TRAF3IP1: variants seen among roughly 807,000 people sequenced by gnomAD.
TRAF3IP1 encodes the protein TRAF3-interacting protein 1.
TRAF3IP1 carries 53 observed loss-of-function variants against 89.9 expected under a neutral mutation model. That is an observed-to-expected ratio of 0.59 (90% CI 0.47 to 0.74). TRAF3IP1 has a LOEUF of 0.74. TRAF3IP1 is among the 30% of genes least tolerant of loss of function. The pLI is 0.00. For missense variants in TRAF3IP1, 806 were observed against 866.1 expected, an observed-to-expected ratio of 0.93 and a Z score of 0.87; for synonymous variants, 311 against 322.1, an observed-to-expected ratio of 0.97 and a Z score of 0.37.
intron 15 of TRAF3IP1, among the ~76,000 whole-genome samples, chr2:238,380,142 T>C (rs1574963806): frequency 6.6e-6 from 1 of 152,128 alleles, no homozygotes; most frequent in Non-Finnish European, 1.5e-5. Context: ...GTTTCTGAAA[T>C]GCTGGTGCCC....
intron 15 of TRAF3IP1, among the ~76,000 whole-genome samples, chr2:238,384,382 A>ATGTATGTATG (rs1243454374): frequency 2.0e-5 from 3 of 148,436 alleles, no homozygotes; most frequent in Non-Finnish European, 3.0e-5. Context: ...GTATGTATGT[A>ATGTATGTATG]TATATATATA....
Position 238,397,627 on chromosome 2 carries a change from A to T in TRAF3IP1, c.1858A>T (p.Met620Leu), listed in dbSNP as rs3739070. The T allele has an allele frequency of 1.9e-5, 31 of 1,607,812 alleles. No homozygotes were observed. The highest frequency in any genetic ancestry group is 2.6e-5 in the Non-Finnish European group (31 of 1,175,986). ...GGATGCCATGCAGAATGAGCTGCAG[A>T]TGTGGCACAGCGAGAACAGGCAGCA... Reference protein sequence around the residue: ...DVDAMQNELQMWHSENRQHAE... With the variant: ...DVDAMQNELQLWHSENRQHAE... The change falls in exon 16 of 17, where the codon ATG becomes TTG. Residue 620 changes from methionine to leucine, a missense_variant. Coordinates refer to ENST00000373327, the MANE Select transcript of TRAF3IP1 (RefSeq NM_015650.4).
chr2:238,346,788 A>C (rs1383589281), intron 9 of TRAF3IP1, among the ~76,000 whole-genome samples: 1 of 152,174 alleles, frequency 6.6e-6, no homozygotes, highest in African/African-American at 2.4e-5. Context: ...CTCTTCTGCA[A>C]ATGCGTTCGT....
intron 10 of TRAF3IP1, among the ~76,000 whole-genome samples, chr2:238,347,829 G>A (rs1698967246): frequency 6.6e-6 from 1 of 152,106 alleles, no homozygotes; most frequent in African/African-American, 2.4e-5. Flanking sequence ...GTTTCTCCAT[G>A]TTGGTCAAGC....
At chr2:238,325,781 A>G (rs751585397) in intron 2 of TRAF3IP1, 28 bp from the exon 3 acceptor site, 2 of 1,597,666 alleles carry the variant, frequency 1.3e-6, no homozygotes, top group African/African-American at 1.3e-5. Context: ...GTATTGTAAT[A>G]TTTGTATTTT....
At chr2:238,338,555 T>A (rs1698492423) in intron 8 of TRAF3IP1, 98 bp downstream of exon 8, 1 of 657,742 alleles carries the variant, frequency 1.5e-6, no homozygotes, top group South Asian at 2.6e-5. Flanking sequence ...TTATTCTAAC[T>A]ACTTTAATGT....
chr2:238,365,167 C>G (rs1051760774), intron 15 of TRAF3IP1, among the ~76,000 whole-genome samples: 1 of 152,176 alleles, frequency 6.6e-6, no homozygotes, highest in African/African-American at 2.4e-5. Flanking sequence ...AATAGATCCT[C>G]AAATTTCTTT....
intron 15 of TRAF3IP1, among the ~76,000 whole-genome samples, chr2:238,362,094 C>T (rs1300906815): frequency 1.3e-5 from 2 of 152,150 alleles, no homozygotes; most frequent in Non-Finnish European, 2.9e-5. Context: ...GTTGGCCACT[C>T]TCTCCGTCCT....
chr2:238,347,461 C>T lies in TRAF3IP1; in HGVS notation c.1268C>T (p.Ser423Phe). ...TGATGTGCTTTTTCTTTAGGTGACT[C>T]CACCAGTGATGCAGGTGAGGAATGG... Reference protein sequence around the residue: ...PNPTEKQKGDSTSDAEGDAGP... With the variant: ...PNPTEKQKGDFTSDAEGDAGP... The change falls in exon 10 of 17, where the codon TCC (serine) becomes TTC (phenylalanine). Residue 423 changes from serine to phenylalanine, a missense_variant. Coordinates refer to ENST00000373327, the MANE Select transcript of TRAF3IP1 (RefSeq NM_015650.4). 6.2e-7 allele frequency: 1 copy of T among 1,614,026 alleles called. No homozygotes were observed. Among genetic ancestry groups the T allele is most frequent in the South Asian group, 1.1e-5 (1 of 91,082 alleles).
rs1236255974 is a variant in TRAF3IP1, at chr2:238,354,496, A to T, written c.1612+1287A>T. On this transcript the variant is annotated intron_variant, in intron 14 of 16. Coordinates refer to ENST00000373327, the MANE Select transcript of TRAF3IP1 (RefSeq NM_015650.4). ...TATGCATCTCTTCCATCTCATGCCA[A>T]AAAGCCTGGCTCCCAGCAGCAGCGG... 3.9e-5 allele frequency among the ~76,000 whole-genome samples: 6 copies of T among 152,264 alleles called. No homozygotes were observed. The South Asian group carries it at 1.2e-3, about 32-fold the overall frequency.
intron 15 of TRAF3IP1, among the ~76,000 whole-genome samples, chr2:238,388,810 T>C (rs1350683068): frequency 6.6e-6 from 1 of 151,894 alleles, no homozygotes; most frequent in Non-Finnish European, 1.5e-5. Flanking sequence ...CCTGGATAAT[T>C]TTTTATAGAG....
At chr2:238,335,396 C>A (rs1698334945) in intron 7 of TRAF3IP1, among the ~76,000 whole-genome samples, 1 of 152,202 alleles carries the variant, frequency 6.6e-6, no homozygotes. Flanking sequence ...CTCTCCTGCT[C>A]TGTGAAGCCT....
intron 9 of TRAF3IP1, among the ~76,000 whole-genome samples, chr2:238,346,161 C>T (rs1016532692): frequency 1.4e-4 from 22 of 152,120 alleles, no homozygotes; most frequent in African/African-American, 5.1e-4. Context: ...GCTAAGCACA[C>T]GCTCCAGGCC....
intron 15 of TRAF3IP1, among the ~76,000 whole-genome samples, chr2:238,366,986 AC>A (rs1378783459): frequency 1.3e-4 from 19 of 151,718 alleles, no homozygotes; most frequent in Admixed American, 1.2e-3. Flanking sequence ...ACAAGGTGAA[AC>A]CCCATCTCTA....
At chr2:238,357,116 A>G (rs548940808) in intron 15 of TRAF3IP1, among the ~76,000 whole-genome samples, 32 of 151,938 alleles carry the variant, frequency 2.1e-4, no homozygotes, top group Non-Finnish European at 2.5e-4. Flanking sequence ...TACATGTTCT[A>G]TTGTACCTGG....
chr2:238,392,836 A>C (rs1393110767), intron 15 of TRAF3IP1, among the ~76,000 whole-genome samples: 1 of 152,128 alleles, frequency 6.6e-6, no homozygotes, highest in Non-Finnish European at 1.5e-5. Flanking sequence ...TCAGCCTCCC[A>C]AAGTGCTGGG....
intron 15 of TRAF3IP1, among the ~76,000 whole-genome samples, chr2:238,370,007 A>G (rs1700039808): frequency 6.6e-6 from 1 of 152,088 alleles, no homozygotes; most frequent in Non-Finnish European, 1.5e-5. Flanking sequence ...TTTCTGGCTC[A>G]TCCTGTTCTT....
intron 15 of TRAF3IP1, among the ~76,000 whole-genome samples, chr2:238,395,855 C>T (rs575601900): frequency 1.5e-3 from 223 of 152,188 alleles, no homozygotes; most frequent in Non-Finnish European, 2.6e-3. Flanking sequence ...GTTAGAATGG[C>T]GATCATTAAA....
intron 1 of TRAF3IP1, among the ~76,000 whole-genome samples, chr2:238,321,244 T>C (rs1697527303): frequency 2.0e-5 from 3 of 152,246 alleles, no homozygotes; most frequent in Admixed American, 2.0e-4. Flanking sequence ...CTTCCATTAT[T>C]GCTGGCAGAG....
Sources: gnomAD v4.1 joint callset for allele counts (sites outside exome capture counted in the v4.1 genomes callset) on GRCh38, gnomAD v4.1.1 for gene constraint, MANE v1.5 for transcripts, NCBI Gene and HGNC (gene_info 2026-07-23, HGNC 2026-07-21) for gene names.